Variants in LMNTD1 observed in about 807,000 individuals in gnomAD.
The protein encoded by LMNTD1 is lamin tail domain-containing protein 1.
A neutral mutation model predicts 50.9 loss-of-function variants in LMNTD1; 35 were observed. The ratio of observed to expected loss-of-function variants is 0.69; its 90% CI spans 0.53 to 0.91. LMNTD1 has a LOEUF of 0.91. Ranked by LOEUF, LMNTD1 falls within the 40% of genes least tolerant of loss-of-function variation. LMNTD1 has a pLI of 0.00. For missense variants in LMNTD1, 470 were observed against 475.5 expected, an observed-to-expected ratio of 0.99 and a Z score of 0.11; for synonymous variants, 153 against 161.9, an observed-to-expected ratio of 0.94 and a Z score of 0.42.
At chr12:25,510,337 C>G (rs1160626693) in intron 8 of LMNTD1, among the ~76,000 whole-genome samples, 1 of 151,868 alleles carries the variant, frequency 6.6e-6, no homozygotes. Context: ...GTTCTGCTAG[C>G]ACATTGAGGC....
chr12:25,477,304 G>C (rs978464642), intron 9 of LMNTD1, among the ~76,000 whole-genome samples: 1 of 151,954 alleles, frequency 6.6e-6, no homozygotes, highest in African/African-American at 2.4e-5. Flanking sequence ...TTGACTTCAG[G>C]GGAAAAAGGC....
At chr12:25,500,848 C>T (rs1405158134) in intron 9 of LMNTD1, among the ~76,000 whole-genome samples, 1 of 152,192 alleles carries the variant, frequency 6.6e-6, no homozygotes, top group Admixed American at 6.5e-5. Context: ...AATGCCCACA[C>T]ATTCTTTGTA....
intron 1 of LMNTD1, among the ~76,000 whole-genome samples, chr12:25,624,886 G>C (rs1946554233): frequency 6.6e-6 from 1 of 152,200 alleles, no homozygotes; most frequent in Non-Finnish European, 1.5e-5. Flanking sequence ...AAGTATCCCA[G>C]CATTCACAAA....
rs1305645672 is a variant in LMNTD1 at position 25,594,790 on chromosome 12, G to A, written c.59-48236C>T. 7.3e-5 allele frequency among the ~76,000 whole-genome samples: 11 copies of A among 151,408 alleles called. No homozygotes were observed. In the South Asian group the frequency reaches 2.3e-3, roughly 31 times the overall value. On this transcript the variant is annotated intron_variant, in intron 1 of 7. Transcript: ENST00000445693. Reference sequence around the variant, plus strand: ...TCCACTTAAAAGACTCAGAATTGCAGAATGGATAAAAATTCACCAAACAAC... The same window carrying A: ...TCCACTTAAAAGACTCAGAATTGCAAAATGGATAAAAATTCACCAAACAAC...
intron 1 of LMNTD1, among the ~76,000 whole-genome samples, chr12:25,576,602 A>T (rs1175388867): frequency 6.6e-6 from 1 of 152,222 alleles, no homozygotes; most frequent in East Asian, 1.9e-4. Flanking sequence ...GCCTTTTGTC[A>T]GATGGGAAGA....
intron 1 of LMNTD1, among the ~76,000 whole-genome samples, chr12:25,567,822 G>A (rs916727687): frequency 6.9e-6 from 1 of 145,258 alleles, no homozygotes; most frequent in African/African-American, 2.6e-5. Flanking sequence ...GCAGAATTGT[G>A]AGCCAACTTA....
At chr12:25,593,964 A>G (rs1009174494) in intron 1 of LMNTD1, among the ~76,000 whole-genome samples, 2 of 152,226 alleles carry the variant, frequency 1.3e-5, no homozygotes, top group South Asian at 4.1e-4. Context: ...AGCCAAAGAA[A>G]GAACTTCAGA....
intron 9 of LMNTD1, among the ~76,000 whole-genome samples, chr12:25,486,832 G>T (rs1938662121): frequency 6.6e-6 from 1 of 151,298 alleles, no homozygotes; most frequent in Non-Finnish European, 1.5e-5. Context: ...TATTGAACCA[G>T]CCTTGCATGC....
At chr12:25,640,692 G>T (rs759148489) in intron 1 of LMNTD1, among the ~76,000 whole-genome samples, 2 of 150,846 alleles carry the variant, frequency 1.3e-5, no homozygotes, top group Admixed American at 6.6e-5. Flanking sequence ...ACGGAGTCTC[G>T]CTCTGTCGCC....
rs1351479354 is a variant in LMNTD1, at chr12:25,527,701, C to T, written c.492-746G>A. ...ATATATACACACACACACACACACA[C>T]ACACACACACACACACACATATACA... On this transcript the variant is annotated intron_variant, in intron 4 of 9. Transcript: ENST00000458174. Among the ~76,000 whole-genome samples the T allele has an allele frequency of 1.3e-3, 129 of 102,036 alleles. 1 individual carries two copies. Among genetic ancestry groups the T allele is most frequent in the African/African-American group, 4.8e-3 (119 of 24,816 alleles). 66.9% of individuals were successfully genotyped at this position (102,036 alleles called of 152,430 possible).
At chr12:25,565,125 C>T (rs1944499914) in intron 1 of LMNTD1, among the ~76,000 whole-genome samples, 2 of 151,874 alleles carry the variant, frequency 1.3e-5, no homozygotes, top group Admixed American at 1.3e-4. Flanking sequence ...TGTTTTTATT[C>T]ATGAAGTGTG....
intron 4 of LMNTD1, among the ~76,000 whole-genome samples, chr12:25,539,214 C>T (rs1219379552): frequency 2.1e-5 from 3 of 145,810 alleles, no homozygotes; most frequent in African/African-American, 7.6e-5. Flanking sequence ...CAGCTCTGCA[C>T]CAAGCGGACC....
Position 25,537,007 on chromosome 12 carries a change from G to C in LMNTD1, c.491+9367C>G, listed in dbSNP as rs192333190. The stretch of plus-strand genomic sequence containing the variant: ...ATCGGGTCACTCCCACCCGAATACT[G>C]CGCTTTTCTGACGGGCTTAAAAAAC... On this transcript the variant is annotated intron_variant, in intron 4 of 9. Coordinates refer to ENST00000458174, the MANE Select transcript of LMNTD1 (RefSeq NM_001145728.2). 3.0e-3 allele frequency among the ~76,000 whole-genome samples: 455 copies of C among 150,304 alleles called. 5 individuals carry two copies. Among genetic ancestry groups the C allele is most frequent in the East Asian group, 0.026 (132 of 5,156 alleles).
intron 1 of LMNTD1, among the ~76,000 whole-genome samples, chr12:25,581,083 G>T (rs1945261247): frequency 6.6e-6 from 1 of 152,170 alleles, no homozygotes; most frequent in South Asian, 2.1e-4. Context: ...AGGAGGAAAA[G>T]GCAGATAAGG....
chr12:25,561,414 A>G (rs1305915735), intron 1 of LMNTD1, among the ~76,000 whole-genome samples: 1 of 152,222 alleles, frequency 6.6e-6, no homozygotes, highest in Non-Finnish European at 1.5e-5. Flanking sequence ...GTAGTCATTC[A>G]AGAGCAGGTT....
At chr12:25,479,252 C>T (rs1938366579) in intron 9 of LMNTD1, among the ~76,000 whole-genome samples, 1 of 152,092 alleles carries the variant, frequency 6.6e-6, no homozygotes, top group African/African-American at 2.4e-5. Flanking sequence ...GAACTAAGAC[C>T]TCTAGACTAG....
chr12:25,526,401 G>A (rs1565973029), intron 5 of LMNTD1, among the ~76,000 whole-genome samples, 183 bp from the exon 6 acceptor site: 1 of 152,104 alleles, frequency 6.6e-6, no homozygotes, highest in Non-Finnish European at 1.5e-5. Context: ...AGGAAAAAAC[G>A]AGAAAGAGAG....
chr12:25,483,970 A>G (rs1437738407), intron 9 of LMNTD1, among the ~76,000 whole-genome samples: 5 of 151,904 alleles, frequency 3.3e-5, no homozygotes, highest in Admixed American at 1.3e-4. Flanking sequence ...GGTTATGTCT[A>G]TTTCTACAAA....
chr12:25,614,082 A>T (rs1035993917), intron 1 of LMNTD1, among the ~76,000 whole-genome samples: 11 of 152,132 alleles, frequency 7.2e-5, no homozygotes, highest in Non-Finnish European at 8.8e-5. Context: ...TAAAAAAAAA[A>T]AGTATCTAAA....
Sources: allele counts gnomAD v4.1 joint callset (sites outside exome capture counted in the v4.1 genomes callset), GRCh38; gene constraint gnomAD v4.1.1; transcripts MANE v1.5; gene names NCBI Gene and HGNC (gene_info 2026-07-23, HGNC 2026-07-21).